PACS2: variants seen among roughly 807,000 people sequenced by gnomAD.
PACS2 encodes the protein phosphofurin acidic cluster sorting protein 2, also known as PACS1-like protein.
Under a neutral mutation model 113.0 loss-of-function variants are expected in PACS2, and 36 were observed. The ratio of observed to expected loss-of-function variants is 0.32; its 90% confidence interval spans 0.24 to 0.42. The LOEUF (loss-of-function observed/expected upper bound fraction) is 0.42, where lower values mean the gene tolerates loss of function less well. PACS2 is among the 10% of genes least tolerant of loss of function. PACS2 has a pLI of 1.00. For missense variants in PACS2, 1,015 were observed against 1,239.5 expected, an observed-to-expected ratio of 0.82 and a Z score of 2.72; for synonymous variants, 589 against 536.1, an observed-to-expected ratio of 1.10 and a Z score of -1.36.
chr14:105,389,852 G>A, intron 19 of PACS2, 109 bp from the exon 20 acceptor site: 2 of 987,568 alleles, frequency 2.0e-6, no homozygotes, highest in Non-Finnish European at 3.3e-6. Flanking sequence ...CCATCCGGCA[G>A]GGCCGCGGCC....
Position 105,353,090 on chromosome 14 carries a change from GC to G in PACS2, c.297+631del, listed in dbSNP as rs587623413. On this transcript the variant is annotated intron_variant, in intron 3 of 24. Coordinates refer to ENST00000447393, the MANE Select transcript of PACS2 (RefSeq NM_001100913.3). ...CCATCACTGTCCCCTGGGGTGACAGGCCCCCCCCATCACTGTCCCCTGGGGT... is the reference window on the plus strand; with the variant it reads ...CCATCACTGTCCCCTGGGGTGACAGGCCCCCCCATCACTGTCCCCTGGGGT... 2.0e-3 allele frequency among the ~76,000 whole-genome samples: 224 copies of G among 112,588 alleles called. 9 individuals carry two copies. The highest frequency in any genetic ancestry group is 7.8e-3 in the African/African-American group (192 of 24,568). The allele number at this position is 112,588 out of a possible 152,430, so 73.9% of individuals were successfully genotyped here. A position where few individuals can be genotyped will look rare whatever the true frequency, so the allele number is the denominator to read the frequency against.
At chr14:105,338,908 T>G (rs2059623230) in intron 1 of PACS2, among the ~76,000 whole-genome samples, 1 of 152,136 alleles carries the variant, frequency 6.6e-6, no homozygotes, top group Non-Finnish European at 1.5e-5. Context: ...CTCCCCTCCT[T>G]CCACCCACCC....
chr14:105,350,271 TC>T (rs1416193249), intron 2 of PACS2, among the ~76,000 whole-genome samples: 6 of 152,122 alleles, frequency 3.9e-5, no homozygotes, highest in African/African-American at 1.4e-4. Flanking sequence ...CATTGGGTCT[TC>T]AGAGCAATGC....
chr14:105,312,582 C>G (rs918210061), upstream of PACS2, among the ~76,000 whole-genome samples: 1 of 152,234 alleles, frequency 6.6e-6, no homozygotes, highest in Non-Finnish European at 1.5e-5. Context: ...ATGCCAGGGT[C>G]ATAGCATGGG....
Position 105,391,055 on chromosome 14 carries a change from G to A in PACS2, c.2077-152G>A, listed in dbSNP as rs2081339816. ...CTGAGCTCAGCTCTGCTCCACAGATGGGGAGAGAAGGGCAGGAGGGAGCTG... is the reference window on the plus strand; with the variant it reads ...CTGAGCTCAGCTCTGCTCCACAGATAGGGAGAGAAGGGCAGGAGGGAGCTG... On this transcript the variant is annotated intron_variant, in intron 20 of 24. Transcript: ENST00000447393. 1.2e-5 allele frequency: 8 copies of A among 662,594 alleles called. No homozygotes were observed. In the South Asian group the frequency reaches 1.4e-4, roughly 11 times the overall value. 41.0% of individuals were successfully genotyped at this position (662,594 alleles called of 1,614,324 possible).
intron 8 of PACS2, chr14:105,370,112 G>A: frequency 1.9e-6 from 1 of 517,556 alleles, no homozygotes; most frequent in East Asian, 3.3e-5. Context: ...TGAAGTAGAA[G>A]TCGTGAATAC....
At position 105,323,861 on chromosome 14, in the gene PACS2, G is replaced by A. The variant is rs940275862; in HGVS notation, c.119+8824G>A. Among the ~76,000 whole-genome samples the A allele has an allele frequency of 2.6e-5, 4 of 152,240 alleles. No homozygotes were observed. Among genetic ancestry groups the A allele is most frequent in the East Asian group, 3.9e-4 (2 of 5,184 alleles). Reference sequence around the variant, plus strand: ...GCCAAGGGGCAGCAGGACGGTGCCCGTAGCCCTGGAGGCCTTGGGGATTCG... The same window carrying A: ...GCCAAGGGGCAGCAGGACGGTGCCCATAGCCCTGGAGGCCTTGGGGATTCG... On this transcript the variant is annotated intron_variant, in intron 1 of 24. Coordinates refer to ENST00000447393, the MANE Select transcript of PACS2 (RefSeq NM_001100913.3). This position sits in a 1 kb window ranked among gnomAD's most constrained non-coding sequence, Gnocchi z 4.1.
Position 105,355,523 on chromosome 14 carries a change from G to A in PACS2, c.423+346G>A, listed in dbSNP as rs1566934685. ...GGAATCGCTGCTGTCCCCACACCAC[G>A]GGTGCGTCCTGTGATGGGTTCGTGT... On this transcript the variant is annotated intron_variant, in intron 4 of 24. Transcript: ENST00000447393. The surrounding 1 kb of genome is among the most constrained non-coding windows in gnomAD (Gnocchi z 4.1). Among the ~76,000 whole-genome samples the A allele has an allele frequency of 1.3e-5, 2 of 152,220 alleles. No homozygotes were observed. Among genetic ancestry groups the A allele is most frequent in the Non-Finnish European group, 2.9e-5 (2 of 68,044 alleles).
At chr14:105,381,489 G>A (rs587761184) in intron 12 of PACS2, among the ~76,000 whole-genome samples, 2 of 152,382 alleles carry the variant, frequency 1.3e-5, no homozygotes, top group East Asian at 3.9e-4. Context: ...TCTGGGCACT[G>A]GTTTTTACCT....
chr14:105,304,763 C>CA (rs768187096), intron 1 of PACS2, among the ~76,000 whole-genome samples: 2 of 152,254 alleles, frequency 1.3e-5, no homozygotes, highest in Admixed American at 6.5e-5. Flanking sequence ...CAAGGAGGAG[C>CA]AAGTCACGTC....
At chr14:105,343,173 C>T (rs1189939820) in intron 1 of PACS2, among the ~76,000 whole-genome samples, 3 of 152,140 alleles carry the variant, frequency 2.0e-5, no homozygotes, top group South Asian at 2.1e-4. Context: ...TTGACACGGG[C>T]GTCTCTCACT....
upstream of PACS2, among the ~76,000 whole-genome samples, chr14:105,313,534 T>C (rs1165636421): frequency 6.6e-6 from 1 of 152,210 alleles, no homozygotes; most frequent in African/African-American, 2.4e-5. Flanking sequence ...TTTGCAGTTC[T>C]AGATACAGGA....
intron 1 of PACS2, among the ~76,000 whole-genome samples, chr14:105,327,500 A>G (rs1392651994): frequency 1.3e-5 from 2 of 152,074 alleles, no homozygotes; most frequent in Non-Finnish European, 2.9e-5. Context: ...GTCCTGTCAA[A>G]TGGTGCTGGG....
intron 19 of PACS2, among the ~76,000 whole-genome samples, chr14:105,386,348 G>A (rs947713194): frequency 6.6e-6 from 1 of 152,140 alleles, no homozygotes; most frequent in African/African-American, 2.4e-5. Flanking sequence ...GGGCTCCCTC[G>A]AGCACCTGGG....
At chr14:105,373,190 T>C (rs1157735867) in intron 8 of PACS2, among the ~76,000 whole-genome samples, 1 of 152,272 alleles carries the variant, frequency 6.6e-6, no homozygotes, top group Non-Finnish European at 1.5e-5. Flanking sequence ...TTCAAGTGCG[T>C]ATCAGATTCC....
At chr14:105,352,336 T>C in intron 2 of PACS2, 42 bp from the exon 3 acceptor site, 1 of 1,276,740 alleles carries the variant, frequency 7.8e-7, no homozygotes, top group South Asian at 1.2e-5. Flanking sequence ...TTCCTGCTGA[T>C]ATGCAGTCCT....
At chr14:105,388,078 A>T (rs1030642371) in intron 19 of PACS2, among the ~76,000 whole-genome samples, 5 of 152,228 alleles carry the variant, frequency 3.3e-5, no homozygotes, top group Admixed American at 2.6e-4. Flanking sequence ...ATGTTATTTG[A>T]AATGGACAAG....
chr14:105,381,323 G>T (rs2080987038), intron 12 of PACS2, among the ~76,000 whole-genome samples: 1 of 152,194 alleles, frequency 6.6e-6, no homozygotes, highest in South Asian at 2.1e-4. Flanking sequence ...ACCTGTTTGA[G>T]GGCAGGGTCA....
At chr14:105,352,276 T>G (rs2060208405) in intron 2 of PACS2, 102 bp from the exon 3 acceptor site, 2 of 767,666 alleles carry the variant, frequency 2.6e-6, no homozygotes, top group Admixed American at 1.8e-5. Flanking sequence ...ACTGCAGGGC[T>G]GCAATCCTGC....
Sources: gnomAD v4.1 joint callset for allele counts (sites outside exome capture counted in the v4.1 genomes callset) on GRCh38, gnomAD v4.1.1 for gene constraint, Gnocchi (gnomAD v3.1) non-coding constraint, MANE v1.5 for transcripts, NCBI Gene and HGNC (gene_info 2026-07-23, HGNC 2026-07-21) for gene names.